The following KATNIP variants were observed in gnomAD, a reference collection of about 807,000 sequenced individuals.
The protein encoded by KATNIP is katanin-interacting protein.
Under a neutral mutation model 174.0 loss-of-function variants are expected in KATNIP, and 126 were observed. That is an observed-to-expected ratio of 0.72 (90% CI 0.63 to 0.84). KATNIP has a LOEUF of 0.84. KATNIP is among the 40% of genes least tolerant of loss of function. KATNIP has a pLI of 0.00. For missense variants in KATNIP, 1,958 were observed against 2,109.7 expected (o/e 0.93, Z 1.41); for synonymous variants, 810 against 835.7 (o/e 0.97, Z 0.53).
chr16:27,699,934 A>C (rs545921120), intron 10 of KATNIP, among the ~76,000 whole-genome samples: 1 of 151,894 alleles, frequency 6.6e-6, no homozygotes, highest in South Asian at 2.1e-4. Flanking sequence ...TTTTTGAGAC[A>C]GAATCTCACT....
At chr16:27,561,690 T>C (rs2089890450) in intron 1 of KATNIP, among the ~76,000 whole-genome samples, 1 of 152,162 alleles carries the variant, frequency 6.6e-6, no homozygotes, top group South Asian at 2.1e-4. Flanking sequence ...CAATGCAGTG[T>C]GTGGTGTGTG....
intron 15 of KATNIP, among the ~76,000 whole-genome samples, chr16:27,748,957 G>A (rs1044366220): frequency 1.3e-5 from 2 of 152,064 alleles, no homozygotes; most frequent in Admixed American, 6.5e-5. Context: ...TTAAAGCTGC[G>A]TATCTGGCTT....
intron 6 of KATNIP, among the ~76,000 whole-genome samples, chr16:27,650,438 A>G (rs750713199): frequency 6.6e-6 from 1 of 152,228 alleles, no homozygotes; most frequent in Non-Finnish European, 1.5e-5. Flanking sequence ...CTCCATAGTT[A>G]TGTAGAAGCA....
intron 2 of KATNIP, among the ~76,000 whole-genome samples, chr16:27,576,249 T>G (rs1437074790): frequency 1.3e-5 from 2 of 152,222 alleles, no homozygotes; most frequent in Non-Finnish European, 2.9e-5. Flanking sequence ...ACTCCCATTG[T>G]GCCCATCGCC....
chr16:27,749,763 C>T lies in KATNIP; in HGVS notation c.2803C>T (p.His935Tyr), dbSNP rs772286159. The change falls in exon 16 of 28, where the codon CAC becomes TAC. Residue 935 changes from histidine to tyrosine, a missense_variant. Transcript: ENST00000261588. ...GCTCCTGCAGCAAAAGAGCAGCCGG[C>T]ACAGCGACTTGCCCCCCTCCAAGAA... ...DELLQQKSSR[H>Y]SDLPPSKKGE... 1.1e-5 allele frequency: 17 copies of T among 1,610,526 alleles called. No homozygotes were observed. In the Admixed American group the frequency reaches 2.2e-4, roughly 21 times the overall value.
intron 3 of KATNIP, among the ~76,000 whole-genome samples, chr16:27,618,749 T>A (rs923157214): frequency 6.6e-5 from 10 of 152,160 alleles, no homozygotes; most frequent in African/African-American, 2.4e-4. Flanking sequence ...CCTGCTCCTA[T>A]TCTGGGAGAA....
chr16:27,567,366 C>T (rs948351382), intron 1 of KATNIP, among the ~76,000 whole-genome samples: 4 of 152,192 alleles, frequency 2.6e-5, no homozygotes, highest in Non-Finnish European at 5.9e-5. Flanking sequence ...CAGTGGCTCA[C>T]GCCTATAATC....
chr16:27,638,966 G>A (rs552888473), intron 5 of KATNIP, among the ~76,000 whole-genome samples: 4 of 150,710 alleles, frequency 2.7e-5, no homozygotes, highest in Non-Finnish European at 4.4e-5. Context: ...GAGCCACTGC[G>A]CCCAGCCCTG....
At chr16:27,767,065 G>A (rs905976847) in intron 20 of KATNIP, among the ~76,000 whole-genome samples, 91 of 152,108 alleles carry the variant, frequency 6.0e-4, no homozygotes, top group African/African-American at 2.1e-3. Flanking sequence ...AGAGAGCCTC[G>A]GAAGAGCCCT....
intron 2 of KATNIP, among the ~76,000 whole-genome samples, chr16:27,594,360 G>A (rs1312393360): frequency 6.6e-6 from 1 of 152,036 alleles, no homozygotes; most frequent in Non-Finnish European, 1.5e-5. Context: ...TCCCAGGATG[G>A]TTTTGGTTGT....
chr16:27,622,246 C>T lies in KATNIP; in HGVS notation c.140+3745C>T, dbSNP rs534171622. On this transcript the variant is annotated intron_variant, in intron 3 of 27. Transcript: ENST00000261588. ...AACTCCCCAGTAGTGGCAGGGTGAG[C>T]GCAAGGCCACCTATAACTATGACAA... Among the ~76,000 whole-genome samples the T allele has an allele frequency of 3.3e-5, 5 of 152,190 alleles. No homozygotes were observed. In the East Asian group the frequency reaches 5.8e-4, roughly 18 times the overall value.
chr16:27,755,300 C>G (rs1258896013), intron 18 of KATNIP: 1 of 152,310 alleles, frequency 6.6e-6, no homozygotes, highest in Admixed American at 6.5e-5. Context: ...CTGTGCAAGC[C>G]ACACCTTCCA....
At position 27,661,806 on chromosome 16, in the gene KATNIP, C is replaced by T. The variant is rs146374569; in HGVS notation, c.540+13071C>T. 6.3e-3 allele frequency among the ~76,000 whole-genome samples: 910 copies of T among 145,392 alleles called. 30 individuals are homozygous for T. The East Asian group carries it at 0.088, about 14-fold the overall frequency. On this transcript the variant is annotated intron_variant, in intron 6 of 27. Coordinates refer to ENST00000261588, the MANE Select transcript of KATNIP (RefSeq NM_015202.5). ...TGTCACCTAGGCTGGAGTGCAGTGG[C>T]GTAATCATAGCTCACTGCAGCCTCA... is the stretch of plus-strand genomic sequence containing the variant.
intron 5 of KATNIP, among the ~76,000 whole-genome samples, chr16:27,648,354 C>T (rs540569586): frequency 3.9e-5 from 6 of 152,158 alleles, no homozygotes; most frequent in South Asian, 2.1e-4. Context: ...TTCTCCTGCA[C>T]GTTCTTTGGA....
At chr16:27,649,195 A>G (rs1197788144) in intron 6 of KATNIP, among the ~76,000 whole-genome samples, 1 of 152,234 alleles carries the variant, frequency 6.6e-6, no homozygotes, top group Non-Finnish European at 1.5e-5. Context: ...CCTGATAAAT[A>G]TTTCGAATAC....
At chr16:27,766,516 G>A in intron 20 of KATNIP, 42 bp downstream of exon 20, 1 of 1,574,564 alleles carries the variant, frequency 6.4e-7, no homozygotes, top group South Asian at 1.1e-5. Context: ...CAGCATCAGG[G>A]AAGCAGCACC....
Position 27,648,684 on chromosome 16 carries a change from G to A in KATNIP, c.489G>A (p.Leu163=). 1.2e-6 allele frequency: 2 copies of A among 1,614,226 alleles called. No homozygotes were observed. The highest frequency in any genetic ancestry group is 1.1e-5 in the South Asian group (1 of 91,088). Residue 163 remains leucine, a synonymous_variant, in exon 6 of 28, where the codon CTG becomes CTA. Coordinates refer to ENST00000261588, the MANE Select transcript of KATNIP (RefSeq NM_015202.5). ...TGGACTATTCTGATGATTTTGAGCT[G>A]TGTGGGGATGTGACTCTCCAGGCAA... The part of the protein sequence containing the change: ...PPVDYSDDFE[L]CGDVTLQANN...
At chr16:27,750,436 T>C (rs1323684164) in intron 16 of KATNIP, 130 bp downstream of exon 16, 26 of 949,176 alleles carry the variant, frequency 2.7e-5, no homozygotes, top group South Asian at 1.7e-5. Context: ...TTTTTTTTTT[T>C]TGAGACGGAG....
chr16:27,708,780 A>C lies in KATNIP; in HGVS notation c.1465A>C (p.Asn489His), dbSNP rs375270052. Residue 489 changes from asparagine (N) to histidine (H), a missense_variant, in exon 13 of 28, where the codon AAC becomes CAC. By Grantham distance (68) the Asn-to-His change is moderately conservative (BLOSUM62 1). Coordinates refer to ENST00000261588, the MANE Select transcript of KATNIP (RefSeq NM_015202.5). ...CATGGAGATCCTGTCCAACTGGGGC[A>C]ACTCGTGGTGGGTGGGTCTCACAGA... is the stretch of plus-strand genomic sequence containing the variant. ...VTMEILSNWG[N>H]SWWVGLTEVE... 1 of 1,613,938 alleles carries C rather than the reference A, an allele frequency of 6.2e-7. No individual in the cohort carries two copies. The highest frequency in any genetic ancestry group is 8.5e-7 in the Non-Finnish European group (1 of 1,180,014).
Sources: allele counts gnomAD v4.1 joint callset (sites outside exome capture counted in the v4.1 genomes callset), GRCh38; gene constraint gnomAD v4.1.1; transcripts MANE v1.5; gene names NCBI Gene and HGNC (gene_info 2026-07-23, HGNC 2026-07-21).